Variants in ABHD1 observed in about 807,000 individuals in gnomAD.
ABHD1 encodes the protein protein ABHD1.
Under a neutral mutation model 41.4 loss-of-function variants are expected in ABHD1, and 47 were observed. That is an observed-to-expected ratio of 1.13 (90% CI 0.90 to 1.45). ABHD1 has a LOEUF of 1.45. Among genes scored for constraint, ABHD1 ranks in the 40% most tolerant of loss-of-function variants. ABHD1 has a pLI of 0.00. For synonymous variants in ABHD1, 205 were observed against 203.7 expected (o/e 1.01, Z -0.05); for missense variants, 550 against 503.4 (o/e 1.09, Z -0.89).
chr2:27,127,985 G>A (rs1162112580), intron 1 of ABHD1, among the ~76,000 whole-genome samples: 1 of 152,072 alleles, frequency 6.6e-6, no homozygotes, highest in Non-Finnish European at 1.5e-5. Context: ...GGGTCTCACT[G>A]TCGCCCAGGC....
Position 27,128,968 on chromosome 2 carries a change from G to A in ABHD1, c.299G>A (p.Gly100Glu), listed in dbSNP as rs1388764561. 2 of 1,613,840 alleles carry A rather than the reference G, an allele frequency of 1.2e-6. No homozygotes were observed. The highest frequency in any genetic ancestry group is 1.7e-6 in the Non-Finnish European group (2 of 1,179,960). ...AGTGACATCCTCCAAACACCAGATG[G>A]AGGCCAGCTCCTGCTAGACTGGGCC... ...YQSDILQTPD[G>E]GQLLLDWAKQ... Residue 100 changes from glycine (G) to glutamate (E), a missense_variant, in exon 3 of 9, where the codon GGA becomes GAA. By Grantham distance (98) the Gly-to-Glu change is moderately conservative. Transcript: ENST00000316470.
chr2:27,128,835 A>G (rs1672087568), intron 2 of ABHD1, 110 bp from the exon 3 acceptor site: 3 of 1,335,436 alleles, frequency 2.2e-6, no homozygotes, highest in Non-Finnish European at 3.1e-6. Context: ...CCCTCAGATG[A>G]TGCTGACGGG....
At chr2:27,130,052 G>A in intron 6 of ABHD1, 53 bp from the exon 7 acceptor site, 1 of 1,612,632 alleles carries the variant, frequency 6.2e-7, no homozygotes, top group Non-Finnish European at 8.5e-7. Flanking sequence ...ACAGGGCCTG[G>A]GGGTGGGGGA....
chr2:27,129,200 T>G (rs946127954), intron 3 of ABHD1, 73 bp downstream of exon 3: 2 of 1,591,802 alleles, frequency 1.3e-6, no homozygotes, highest in African/African-American at 1.3e-5. Context: ...ATCCGGACAC[T>G]GATAGATAAG....
At position 27,129,299 on chromosome 2, in the gene ABHD1, A is replaced by T. The variant is rs757189338; in HGVS notation, c.459-17A>T. 3.7e-6 allele frequency: 6 copies of T among 1,614,062 alleles called. No individual in the cohort carries two copies. In the East Asian group the frequency reaches 1.3e-4, roughly 36 times the overall value. On this transcript the variant is annotated splice_polypyrimidine_tract_variant and intron_variant, in intron 3 of 8. Coordinates refer to ENST00000316470, the MANE Select transcript of ABHD1 (RefSeq NM_032604.4). ...GCTAAGAAGGGTCTGGCTAAGATGTACCTGTGTGTGCCACAGGGCTGTCGT... is the reference window on the plus strand; with the variant it reads ...GCTAAGAAGGGTCTGGCTAAGATGTTCCTGTGTGTGCCACAGGGCTGTCGT...
In ABHD1 at chr2:27,130,255, G is replaced by A. The variant is rs145985238; in HGVS notation, c.845G>A (p.Arg282His). 4.0e-5 allele frequency: 64 copies of A among 1,614,086 alleles called. No individual in the cohort carries two copies. The highest frequency in any genetic ancestry group is 1.6e-4 in the Middle Eastern group (1 of 6,062). ...VVDIDFVLQA[R>H]TIRQFDERYT... ...ATCCTATGGTAAGACCTGCAGGCCCGTACAATCCGCCAGTTTGATGAGCGC... is the reference window on the plus strand; with the variant it reads ...ATCCTATGGTAAGACCTGCAGGCCCATACAATCCGCCAGTTTGATGAGCGC... The change falls in exon 8 of 9, where the codon CGT (arginine) becomes CAT (histidine). Residue 282 changes from arginine (R) to histidine (H), a missense_variant. Coordinates refer to ENST00000316470, the MANE Select transcript of ABHD1 (RefSeq NM_032604.4).
rs750595432 is a variant in ABHD1 at position 27,130,644 on chromosome 2, T to C, written c.1118T>C (p.Met373Thr). ...CTGCTCCCGTGGCAGCACTGGTACA[T>C]GAGCCGCCTCTTGCATCAGTACGCC... ...EGLLPWQHWY[M>T]SRLLHQYAKA... is the part of the protein sequence containing the mutation. The change falls in exon 9 of 9, where the codon ATG becomes ACG. Residue 373 changes from methionine to threonine, a missense_variant. By Grantham distance (81) the Met-to-Thr change is moderately conservative. Transcript: ENST00000316470. The C allele has an allele frequency of 1.9e-6, 3 of 1,614,208 alleles. No individual in the cohort carries two copies. Among genetic ancestry groups the C allele is most frequent in the African/African-American group, 1.3e-5 (1 of 75,060 alleles).
At chr2:27,128,639 G>C (rs1352332451) in intron 2 of ABHD1, 38 bp downstream of exon 2, 1 of 1,605,526 alleles carries the variant, frequency 6.2e-7, no homozygotes. Context: ...TGAAACCCCA[G>C]GTATCTAGGG....
At position 27,129,959 on chromosome 2, in the gene ABHD1, G is replaced by C. The variant is rs201450092; in HGVS notation, c.791+32G>C. ...TCGTGGCAAGTGGGAGGAGGCAGTAGACAGAGTAGGATGGCAGACACTCCA... is the reference window on the plus strand; with the variant it reads ...TCGTGGCAAGTGGGAGGAGGCAGTACACAGAGTAGGATGGCAGACACTCCA... On this transcript the variant is annotated intron_variant, in intron 6 of 8. Coordinates refer to ENST00000316470, the MANE Select transcript of ABHD1 (RefSeq NM_032604.4). 325 of 1,613,262 alleles carry C rather than the reference G, an allele frequency of 2.0e-4. 2 individuals are homozygous for C. The highest frequency in any genetic ancestry group is 4.7e-5 in the Non-Finnish European group (56 of 1,179,644).
At chr2:27,129,957 T>C (rs1323023618) in intron 6 of ABHD1, 30 bp downstream of exon 6, 1 of 1,613,330 alleles carries the variant, frequency 6.2e-7, no homozygotes. Context: ...GAGGAGGCAG[T>C]AGACAGAGTA....
chr2:27,130,226 G>A, intron 7 of ABHD1, 25 bp from the exon 8 acceptor site: 1 of 1,614,118 alleles, frequency 6.2e-7, no homozygotes, highest in Non-Finnish European at 8.5e-7. Context: ...TATCATCTTA[G>A]CCTATCCTAT....
chr2:27,128,102 C>T (rs1165361764), intron 1 of ABHD1, among the ~76,000 whole-genome samples: 4 of 152,180 alleles, frequency 2.6e-5, no homozygotes, highest in South Asian at 4.1e-4. Flanking sequence ...GCGCACACCA[C>T]TGAGCGTGGC....
chr2:27,128,958 A>C lies in ABHD1; in HGVS notation c.289A>C (p.Thr97Pro). ...CTCCAAAACCAGTGACATCCTCCAA[A>C]CACCAGATGGAGGCCAGCTCCTGCT... Reference protein sequence around the residue: ...LVLYQSDILQTPDGGQLLLDW... With the variant: ...LVLYQSDILQPPDGGQLLLDW... Residue 97 changes from threonine (T) to proline (P), a missense_variant, in exon 3 of 9, where the codon ACA (threonine) becomes CCA (proline). Coordinates refer to ENST00000316470, the MANE Select transcript of ABHD1 (RefSeq NM_032604.4). 4 of 1,613,234 alleles carry C rather than the reference A, an allele frequency of 2.5e-6. No individual in the cohort carries two copies. Among genetic ancestry groups the C allele is most frequent in the Non-Finnish European group, 3.4e-6 (4 of 1,179,724 alleles).
Position 27,128,453 on chromosome 2 carries a change from G to C in ABHD1, c.127G>C (p.Val43Leu). Residue 43 changes from valine (V) to leucine (L), a missense_variant, in exon 2 of 9, where the codon GTG becomes CTG. By Grantham distance (32) the Val-to-Leu change is conservative. Coordinates refer to ENST00000316470, the MANE Select transcript of ABHD1 (RefSeq NM_032604.4). The stretch of plus-strand genomic sequence containing the variant: ...TGTGTGATTACAGAGGCCTCGGCTG[G>C]TGGCTGGGCCGCAGTTTCTGGCCTT... The part of the protein sequence containing the change: ...WACVLQRPRL[V>L]AGPQFLAFLE... 6.2e-7 allele frequency: 1 copy of C among 1,614,024 alleles called. No homozygotes were observed.
At chr2:27,124,472 C>T (rs1671874948) in intron 1 of ABHD1, 1 of 357,468 alleles carries the variant, frequency 2.8e-6, no homozygotes, top group Non-Finnish European at 5.5e-6. Flanking sequence ...CTTAGTAGGA[C>T]CTCCCTTCCC....
At chr2:27,128,724 A>G in intron 2 of ABHD1, 123 bp downstream of exon 2, 1 of 1,378,790 alleles carries the variant, frequency 7.3e-7, no homozygotes, top group East Asian at 2.3e-5. Context: ...TTCAATGACA[A>G]TGGATGTTAT....
chr2:27,129,213 G>T, intron 3 of ABHD1, 86 bp downstream of exon 3: 1 of 1,593,208 alleles, frequency 6.3e-7, no homozygotes, highest in Non-Finnish European at 8.6e-7. Context: ...TAGATAAGAA[G>T]AATGCTACAC....
rs936603154 is a variant in ABHD1, at chr2:27,130,290, G to GTGGCCTTTGGATATCAAGA, written c.881_899dup (p.Cys301GlyfsTer17). On this transcript the variant is annotated frameshift_variant, in exon 8 of 9. Transcript: ENST00000316470. LOFTEE classifies it high-confidence loss of function. ...CCAGTTTGATGAGCGCTACACATCT[G>GTGGCCTTTGGATATCAAGA]TGGCCTTTGGATATCAAGACTGTGT... The GTGGCCTTTGGATATCAAGA allele has an allele frequency of 9.9e-6, 16 of 1,613,996 alleles. No homozygotes were observed. Among genetic ancestry groups the GTGGCCTTTGGATATCAAGA allele is most frequent in the Admixed American group, 1.7e-5 (1 of 59,992 alleles).
Position 27,130,807 on chromosome 2 carries a change from G to A in ABHD1, c.*63G>A. The A allele has an allele frequency of 1.3e-6, 2 of 1,548,918 alleles. No homozygotes were observed. The highest frequency in any genetic ancestry group is 1.1e-5 in the South Asian group (1 of 88,294). On this transcript the variant is annotated 3_prime_UTR_variant, in exon 9 of 9. Coordinates refer to ENST00000316470, the MANE Select transcript of ABHD1 (RefSeq NM_032604.4). ...TGTTTATTAAATATCAACTTTTCCT[G>A]CCTAATGGGCTGAGGTTCATTTTCC...
Sources: allele counts gnomAD v4.1 joint callset (sites outside exome capture counted in the v4.1 genomes callset), GRCh38; gene constraint gnomAD v4.1.1; transcripts MANE v1.5; gene names NCBI Gene and HGNC (gene_info 2026-07-23, HGNC 2026-07-21).